The following ZNF346 variants were observed in gnomAD, a reference collection of about 807,000 sequenced individuals.
ZNF346 encodes double-stranded RNA-binding zinc finger protein JAZ.
In ZNF346, 23 loss-of-function variants were observed where a neutral mutation model predicts 33.7. The ratio of observed to expected loss-of-function variants is 0.68; its 90% confidence interval spans 0.49 to 0.97. The LOEUF is 0.97. Among genes scored for constraint, ZNF346 ranks in the 50% least tolerant of loss-of-function variants. The pLI, the probability that ZNF346 is intolerant of heterozygous loss-of-function variation, is 0.00. For synonymous variants in ZNF346, 134 were observed against 142.4 expected (o/e 0.94, Z 0.42); for missense variants, 340 against 371.1 (o/e 0.92, Z 0.69).
chr5:177,025,219 G>A lies in ZNF346; in HGVS notation c.175+2306G>A, dbSNP rs530594037. Among the ~76,000 whole-genome samples, 7 of 152,334 alleles carry A rather than the reference G, an allele frequency of 4.6e-5. No individual in the cohort carries two copies. The East Asian group carries it at 1.3e-3, about 29-fold the overall frequency. ...CAGCATGTTTTTGAAGTTCAGCCAA[G>A]TCATGGTGTGTATTAGTACTTCATT... On this transcript the variant is annotated intron_variant, in intron 1 of 6. Transcript: ENST00000358149.
intron 1 of ZNF346, among the ~76,000 whole-genome samples, chr5:177,025,036 G>A (rs1427992951): frequency 2.0e-5 from 3 of 152,200 alleles, no homozygotes; most frequent in African/African-American, 7.2e-5. Flanking sequence ...AGTGTACAGA[G>A]TTGTATAGCC....
intron 8 of ZNF346, among the ~76,000 whole-genome samples, chr5:177,073,388 C>G (rs541794581): frequency 6.6e-6 from 1 of 152,306 alleles, no homozygotes; most frequent in East Asian, 1.9e-4. Context: ...ATTGCAGCCT[C>G]GACCTCACTG....
chr5:177,064,167 T>C (rs964992112), intron 6 of ZNF346, among the ~76,000 whole-genome samples: 1 of 152,170 alleles, frequency 6.6e-6, no homozygotes. Flanking sequence ...TGGAATGAGT[T>C]TTTATAGGGC....
At chr5:177,023,310 C>T (rs1033943114) in intron 1 of ZNF346, 2 of 1,042,602 alleles carry the variant, frequency 1.9e-6, no homozygotes, top group South Asian at 1.4e-5. Context: ...CCTAGGGCCT[C>T]TCGCCTCCCT....
At chr5:177,071,293 G>C (rs917267760), downstream of ZNF346, among the ~76,000 whole-genome samples, 1 of 151,946 alleles carries the variant, frequency 6.6e-6, no homozygotes, top group Admixed American at 6.6e-5. Context: ...CCATCTGCTC[G>C]GGAGGCTGAG....
rs558100724 is a variant in ZNF346, at chr5:177,047,359, A to T, written c.517+2826A>T. On this transcript the variant is annotated intron_variant, in intron 4 of 6. Transcript: ENST00000358149. ...TTTTTTGTTTTTTTTTTTTTTTGAGATGGAGTCTCCCTCTTTTGCCCAAGC... is the reference window on the plus strand; with the variant it reads ...TTTTTTGTTTTTTTTTTTTTTTGAGTTGGAGTCTCCCTCTTTTGCCCAAGC... 2.5e-3 allele frequency among the ~76,000 whole-genome samples: 351 copies of T among 142,756 alleles called. 2 individuals carry two copies. The highest frequency in any genetic ancestry group is 8.7e-3 in the African/African-American group (330 of 38,060). The allele number at this position is 142,756 out of a possible 152,430, so 93.7% of individuals were successfully genotyped here.
intron 1 of ZNF346, 79 bp from the exon 2 acceptor site, chr5:177,041,047 T>C (rs1233609768): frequency 2.8e-6 from 3 of 1,089,910 alleles, no homozygotes; most frequent in Non-Finnish European, 4.2e-6. Flanking sequence ...TCAGTGCCTG[T>C]GTTTGAGGCA....
In ZNF346 at chr5:177,044,239, A is replaced by G. The variant is rs145497331; in HGVS notation, c.373-150A>G. 98 of 831,426 alleles carry G rather than the reference A, an allele frequency of 1.2e-4. 1 individual carries two copies. In the East Asian group the frequency reaches 2.6e-3, roughly 22 times the overall value. The allele number at this position is 831,426 out of a possible 1,614,324, so 51.5% of individuals were successfully genotyped here. On this transcript the variant is annotated intron_variant, in intron 3 of 6. Transcript: ENST00000358149. ...GGGATGGTGAGTAGAGTCTGGGACA[A>G]AGTAGCTGGAGAAGAATCTAGAAAG...
At chr5:177,052,948 C>A in intron 5 of ZNF346, 1 of 152,116 alleles carries the variant, frequency 6.6e-6, no homozygotes, top group Non-Finnish European at 1.5e-5. Context: ...GCATGGAAAT[C>A]TTCTGCTGAC....
intron 4 of ZNF346, among the ~76,000 whole-genome samples, chr5:177,046,952 A>G (rs899614754): frequency 3.3e-5 from 5 of 152,140 alleles, no homozygotes; most frequent in Non-Finnish European, 5.9e-5. Context: ...AATACTGTTA[A>G]TATGTTGGTG....
Position 177,044,408 on chromosome 5 carries a change from A to G in ZNF346, c.392A>G (p.Asp131Gly). Residue 131 changes from aspartate to glycine, a missense_variant, in exon 4 of 7, where the codon GAC becomes GGC. Asp to Gly is a moderately conservative substitution (Grantham distance 94, BLOSUM62 -1). Coordinates refer to ENST00000358149, the MANE Select transcript of ZNF346 (RefSeq NM_012279.4). ...AACCAGAAGAGCAGCAGAAGCAAAG[A>G]CAAGAACCAGTGCTGCCCCATCTGT... ...DSDQKSSRSKDKNQCCPICNM... is the reference protein window; with the variant it reads ...DSDQKSSRSKGKNQCCPICNM... The G allele has an allele frequency of 6.2e-7, 1 of 1,614,110 alleles. No homozygotes were observed. Among genetic ancestry groups the G allele is most frequent in the South Asian group, 1.1e-5 (1 of 91,070 alleles).
intron 4 of ZNF346, among the ~76,000 whole-genome samples, chr5:177,050,170 A>G (rs1449814566): frequency 1.3e-5 from 2 of 152,218 alleles, no homozygotes; most frequent in Admixed American, 6.5e-5. Context: ...TACTCAGCCT[A>G]TAATATGCAA....
At chr5:177,073,665 C>T (rs1358240484) in intron 8 of ZNF346, among the ~76,000 whole-genome samples, 2 of 152,096 alleles carry the variant, frequency 1.3e-5, no homozygotes, top group African/African-American at 4.8e-5. Flanking sequence ...AGCCAGGTTG[C>T]TGGGGTGGGA....
intron 1 of ZNF346, among the ~76,000 whole-genome samples, chr5:177,028,000 T>A (rs2149581626): frequency 6.6e-6 from 1 of 151,150 alleles, no homozygotes; most frequent in Non-Finnish European, 1.5e-5. Flanking sequence ...TCTTTACTTG[T>A]TTTAAGTGTA....
At position 177,041,246 on chromosome 5, in the gene ZNF346, T is replaced by C. The variant is rs60443185; in HGVS notation, c.279+17T>C. 6.2e-6 allele frequency: 10 copies of C among 1,600,460 alleles called. No homozygotes were observed. Among genetic ancestry groups the C allele is most frequent in the Non-Finnish European group, 8.6e-7 (1 of 1,167,650 alleles). ...CATTACCAGGTATGCCATCATACTTTTAGAACTGCGTTTCTTTTCAGACCT... is the reference window on the plus strand; with the variant it reads ...CATTACCAGGTATGCCATCATACTTCTAGAACTGCGTTTCTTTTCAGACCT... On this transcript the variant is annotated intron_variant, in intron 2 of 6. Coordinates refer to ENST00000358149, the MANE Select transcript of ZNF346 (RefSeq NM_012279.4).
chr5:177,029,295 A>G (rs1777335443), intron 1 of ZNF346, among the ~76,000 whole-genome samples: 1 of 152,220 alleles, frequency 6.6e-6, no homozygotes, highest in South Asian at 2.1e-4. Context: ...AAGGTGAACA[A>G]GAACACATTC....
intron 2 of ZNF346, 37 bp from the exon 3 acceptor site, chr5:177,041,741 T>C (rs1224719874): frequency 7.5e-7 from 1 of 1,331,784 alleles, no homozygotes; most frequent in Non-Finnish European, 1.1e-6. Context: ...TGAAGTAGCA[T>C]TTGGCTATCT....
chr5:177,043,253 G>A (rs1345209158), intron 3 of ZNF346, among the ~76,000 whole-genome samples: 1 of 151,780 alleles, frequency 6.6e-6, no homozygotes, highest in Admixed American at 6.6e-5. Flanking sequence ...CCCACCTCAG[G>A]CTCCCAAAGT....
rs2149703413 is a variant in ZNF346, at chr5:177,062,081, A to G, written c.727A>G (p.Thr243Ala). 6.2e-7 allele frequency: 1 copy of G among 1,614,010 alleles called. No individual in the cohort carries two copies. Among genetic ancestry groups the G allele is most frequent in the East Asian group, 2.2e-5 (1 of 44,872 alleles). ...FPAGKGYPCKTCKIVLNSIEQ... is the reference protein window; with the variant it reads ...FPAGKGYPCKACKIVLNSIEQ... ...AGCTGGAAAGGGCTACCCCTGCAAA[A>G]CATGTAAGATAGTGCTGAACTCCAT... The change falls in exon 6 of 7, where the codon ACA becomes GCA. Residue 243 changes from threonine to alanine, a missense_variant. Coordinates refer to ENST00000358149, the MANE Select transcript of ZNF346 (RefSeq NM_012279.4).
Sources: gnomAD v4.1 joint callset for allele counts (sites outside exome capture counted in the v4.1 genomes callset) on GRCh38, gnomAD v4.1.1 for gene constraint, MANE v1.5 for transcripts, NCBI Gene and HGNC (gene_info 2026-07-23, HGNC 2026-07-21) for gene names.